The following ABL1 variants were observed in gnomAD, a reference collection of about 807,000 sequenced individuals.
ABL1 encodes ABL proto-oncogene 1, non-receptor tyrosine kinase, also known as tyrosine-protein kinase ABL1.
Under a neutral mutation model 94.7 loss-of-function variants are expected in ABL1, and 11 were observed. That is an observed-to-expected ratio of 0.12 (90% CI 0.07 to 0.19). The LOEUF is 0.19. ABL1 is among the 10% of genes least tolerant of loss of function. The probability of loss-of-function intolerance (pLI) is 1.00; values close to 1 mark genes in which losing one functional copy is unlikely to be tolerated. For missense variants in ABL1, 1,082 were observed against 1,489.4 expected, an observed-to-expected ratio of 0.73 and a Z score of 4.50; for synonymous variants, 656 against 622.4, an observed-to-expected ratio of 1.05 and a Z score of -0.80.
intron 1 of ABL1, among the ~76,000 whole-genome samples, chr9:130,844,056 C>T (rs1588263438): frequency 1.3e-5 from 2 of 152,190 alleles, no homozygotes; most frequent in African/African-American, 4.8e-5. Flanking sequence ...GCATTGCCCC[C>T]GATGACACTG....
chr9:130,788,674 G>A (rs1829864003), intron 1 of ABL1, among the ~76,000 whole-genome samples: 1 of 152,084 alleles, frequency 6.6e-6, no homozygotes, highest in South Asian at 2.1e-4. Flanking sequence ...CAGTCTCTCT[G>A]CCTTGCATGA....
chr9:130,733,339 A>G lies in ABL1; in HGVS notation c.136+18884A>G, dbSNP rs36019424. Among the ~76,000 whole-genome samples, 461 of 152,184 alleles carry G rather than the reference A, an allele frequency of 3.0e-3. 3 individuals are homozygous for G. Among genetic ancestry groups the G allele is most frequent in the African/African-American group, 0.01 (434 of 41,518 alleles). On this transcript the variant is annotated intron_variant, in intron 1 of 10. Transcript: ENST00000372348. ...TAGATTCAGCATGTTTGTACTTTCT[A>G]TTTCTTCAGTATCATATAGTAATTT...
intron 3 of ABL1, among the ~76,000 whole-genome samples, chr9:130,861,109 G>A (rs929836791): frequency 3.9e-5 from 6 of 152,286 alleles, no homozygotes; most frequent in African/African-American, 1.4e-4. Flanking sequence ...AAGCAGGGCC[G>A]CCACATCCTG....
intron 3 of ABL1, among the ~76,000 whole-genome samples, chr9:130,859,888 C>T (rs980026634): frequency 2.6e-5 from 4 of 151,812 alleles, no homozygotes; most frequent in South Asian, 2.1e-4. Flanking sequence ...ACCATGTTGG[C>T]CAGGCTGGTT....
intron 1 of ABL1, among the ~76,000 whole-genome samples, chr9:130,851,461 T>C (rs1055117289): frequency 2.0e-5 from 3 of 152,218 alleles, no homozygotes; most frequent in Non-Finnish European, 4.4e-5. Flanking sequence ...CTTCATGGTT[T>C]ATGTTCTGTT....
At position 130,784,109 on chromosome 9, in the gene ABL1, A is replaced by AT. The variant is rs923424009; in HGVS notation, c.136+69659dup. On this transcript the variant is annotated intron_variant, in intron 1 of 10. Transcript: ENST00000372348. Reference sequence around the variant, plus strand: ...GATTCTAAAATGTACATTATTTCTCATTTTTAAAAAAAATCTCTAAAATCA... The same window carrying AT: ...GATTCTAAAATGTACATTATTTCTCATTTTTTAAAAAAAATCTCTAAAATCA... Among the ~76,000 whole-genome samples the AT allele has an allele frequency of 1.9e-4, 26 of 136,892 alleles. No homozygotes were observed. The East Asian group carries it at 2.8e-3, about 15-fold the overall frequency. The allele number at this position is 136,892 out of a possible 152,430, so 89.8% of individuals were successfully genotyped here.
chr9:130,841,253 T>C (rs1231460204), intron 1 of ABL1, among the ~76,000 whole-genome samples: 1 of 151,770 alleles, frequency 6.6e-6, no homozygotes, highest in Non-Finnish European at 1.5e-5. Flanking sequence ...GTTCACGCCA[T>C]TCTCCTGCCT....
intron 1 of ABL1, among the ~76,000 whole-genome samples, chr9:130,760,008 C>T (rs1041232631): frequency 1.6e-5 from 2 of 125,288 alleles, no homozygotes; most frequent in South Asian, 2.5e-4. Flanking sequence ...GGTCCCACTA[C>T]GTTGTCCAGG....
rs1437262155 is a variant in ABL1, at chr9:130,880,887, T to G, written c.1678+223T>G. 6.6e-6 allele frequency among the ~76,000 whole-genome samples: 1 copy of G among 152,214 alleles called. No individual in the cohort carries two copies. Among genetic ancestry groups the G allele is most frequent in the African/African-American group, 2.4e-5 (1 of 41,456 alleles). On this transcript the variant is annotated intron_variant, in intron 10 of 10. Transcript: ENST00000318560. The surrounding 1 kb of genome is among the most constrained non-coding windows in gnomAD (Gnocchi z 4.4). ...CCCCGAGGAGCATAGGCTCCAGCAG[T>G]GAGTTCAGTCCTGTAGGCAGAGGTG... is the stretch of plus-strand genomic sequence containing the variant.
rs74451545 is a variant in ABL1, at chr9:130,844,034, A to G, written c.79+8509A>G. Among the ~76,000 whole-genome samples, 1,092 of 152,256 alleles carry G rather than the reference A, an allele frequency of 7.2e-3. 11 individuals are homozygous for G. Among genetic ancestry groups the G allele is most frequent in the African/African-American group, 0.024 (1,010 of 41,550 alleles). On this transcript the variant is annotated intron_variant, in intron 1 of 10. Coordinates refer to ENST00000318560, the MANE Select transcript of ABL1 (RefSeq NM_005157.6). ...AACTGCCAGCTACCCTGCAAAGCAC[A>G]TCATGATCCCAGCATTGCCCCCGAT...
At chr9:130,823,274 C>CTCTTCAATT (rs1471613800) in intron 1 of ABL1, among the ~76,000 whole-genome samples, 1 of 152,082 alleles carries the variant, frequency 6.6e-6, no homozygotes, top group Non-Finnish European at 1.5e-5. Flanking sequence ...ATTTGGGTCA[C>CTCTTCAATT]TCTTCAATTT....
intron 8 of ABL1, among the ~76,000 whole-genome samples, chr9:130,879,580 T>G (rs1053230009): frequency 6.6e-5 from 10 of 152,254 alleles, no homozygotes; most frequent in Non-Finnish European, 1.2e-4. Context: ...TTTACCAAAC[T>G]GTTAAAAAAG....
chr9:130,735,416 T>TGCAC (rs1284694974), intron 1 of ABL1, among the ~76,000 whole-genome samples: 2 of 152,002 alleles, frequency 1.3e-5, no homozygotes, highest in Non-Finnish European at 2.9e-5. Flanking sequence ...GAAGCTTGCT[T>TGCAC]GCACCTCTGC....
intron 4 of ABL1, among the ~76,000 whole-genome samples, chr9:130,869,720 A>G (rs1170067055): frequency 6.6e-6 from 1 of 152,354 alleles, no homozygotes; most frequent in East Asian, 1.9e-4. Flanking sequence ...TTCTTCAGCA[A>G]AATGATAGGA....
chr9:130,801,080 C>T (rs1830048655), intron 1 of ABL1, among the ~76,000 whole-genome samples: 1 of 151,942 alleles, frequency 6.6e-6, no homozygotes, highest in African/African-American at 2.4e-5. Context: ...CAGGGGCCCG[C>T]CACCACACCC....
intron 1 of ABL1, among the ~76,000 whole-genome samples, chr9:130,765,121 T>G (rs1832165554): frequency 6.6e-6 from 1 of 152,224 alleles, no homozygotes; most frequent in South Asian, 2.1e-4. Flanking sequence ...ATAATTTGCT[T>G]TCCTCTGGAC....
At chr9:130,851,569 A>T (rs3808820) in intron 1 of ABL1, among the ~76,000 whole-genome samples, 31,450 of 151,742 alleles carry the variant, frequency 0.21, 4,349 homozygotes, top group African/African-American at 0.39. Flanking sequence ...TTCTTTTTTT[A>T]AAAGATAATT....
chr9:130,738,223 C>T (rs891348387), intron 1 of ABL1, among the ~76,000 whole-genome samples: 1 of 152,104 alleles, frequency 6.6e-6, no homozygotes, highest in Non-Finnish European at 1.5e-5. Flanking sequence ...ACAATCAGAA[C>T]ATTGCACAAG....
intron 1 of ABL1, among the ~76,000 whole-genome samples, chr9:130,804,710 C>T (rs903526174): frequency 3.3e-5 from 5 of 151,964 alleles, no homozygotes; most frequent in African/African-American, 1.2e-4. Context: ...CCTACTGGAC[C>T]TATAAAACTA....
Sources: allele counts gnomAD v4.1 joint callset (sites outside exome capture counted in the v4.1 genomes callset), GRCh38; gene constraint gnomAD v4.1.1; non-coding constraint Gnocchi (gnomAD v3.1); transcripts MANE v1.5; gene names NCBI Gene and HGNC (gene_info 2026-07-23, HGNC 2026-07-21).